Variants in STXBP5 observed in about 807,000 individuals in gnomAD.
The protein encoded by STXBP5 is syntaxin binding protein 5.
Under a neutral mutation model 152.4 loss-of-function variants are expected in STXBP5, and 50 were observed. The observed-to-expected ratio is 0.33, with a 90% confidence interval of 0.26 to 0.42. The LOEUF (loss-of-function observed/expected upper bound fraction) is 0.42, where lower values mean the gene tolerates loss of function less well. STXBP5 is among the 10% of genes least tolerant of loss of function. The probability of loss-of-function intolerance (pLI) is 1.00; values close to 1 mark genes in which losing one functional copy is unlikely to be tolerated. For synonymous variants in STXBP5, 492 were observed against 494.7 expected, an observed-to-expected ratio of 0.99 and a Z score of 0.07; for missense variants, 1,167 against 1,388.6, an observed-to-expected ratio of 0.84 and a Z score of 2.54.
chr6:147,357,128 A>G (rs1273520674), intron 22 of STXBP5, among the ~76,000 whole-genome samples: 1 of 152,152 alleles, frequency 6.6e-6, no homozygotes, highest in Non-Finnish European at 1.5e-5. Flanking sequence ...TAACTACAGA[A>G]CAAATGTACT....
intron 9 of STXBP5, among the ~76,000 whole-genome samples, chr6:147,304,947 T>G (rs573749210): frequency 6.6e-6 from 1 of 152,226 alleles, no homozygotes; most frequent in African/African-American, 2.4e-5. Context: ...TGGTTTCAGA[T>G]TACATCCAGA....
chr6:147,363,605 T>C lies in STXBP5; in HGVS notation c.2816T>C (p.Ile939Thr). The C allele has an allele frequency of 6.2e-7, 1 of 1,614,168 alleles. No homozygotes were observed. Among genetic ancestry groups the C allele is most frequent in the Non-Finnish European group, 8.5e-7 (1 of 1,180,024 alleles). Reference sequence around the variant, plus strand: ...CAGAACTGTGCTTATAAGCAAAATATTACAGAGACCTCGTTTGTGCTTCGT... The same window carrying C: ...CAGAACTGTGCTTATAAGCAAAATACTACAGAGACCTCGTTTGTGCTTCGT... ...PTQNCAYKQN[I>T]TETSFVLRGD... Residue 939 changes from isoleucine (I) to threonine (T), a missense_variant, in exon 24 of 28, where the codon ATT (isoleucine) becomes ACT (threonine). Around this residue, in one of 3 missense-constraint regions of STXBP5, gnomAD observed 833 missense variants for 986.3 expected, o/e 0.84. Coordinates refer to ENST00000321680, the MANE Select transcript of STXBP5 (RefSeq NM_001127715.4).
chr6:147,223,534 A>G (rs1777561669), intron 2 of STXBP5, among the ~76,000 whole-genome samples: 1 of 152,238 alleles, frequency 6.6e-6, no homozygotes, highest in Non-Finnish European at 1.5e-5. Flanking sequence ...TTATATGTAT[A>G]TAAATAGATT....
intron 2 of STXBP5, among the ~76,000 whole-genome samples, chr6:147,211,621 T>TA (rs1416771249): frequency 2.0e-5 from 3 of 152,328 alleles, no homozygotes; most frequent in Non-Finnish European, 2.9e-5. Context: ...GTCGGGGTCT[T>TA]ACTCTGTTAC....
chr6:147,371,333 T>G (rs984037405), intron 25 of STXBP5, among the ~76,000 whole-genome samples: 3 of 152,098 alleles, frequency 2.0e-5, no homozygotes, highest in African/African-American at 7.2e-5. Context: ...ATCTAGACTT[T>G]AAGAAACATT....
At chr6:147,268,747 G>A (rs959456145) in intron 7 of STXBP5, among the ~76,000 whole-genome samples, 1 of 152,222 alleles carries the variant, frequency 6.6e-6, no homozygotes, top group Non-Finnish European at 1.5e-5. Flanking sequence ...TGGAGTCACA[G>A]GGACTAGTTT....
chr6:147,228,660 G>A (rs1210283903), intron 2 of STXBP5, among the ~76,000 whole-genome samples: 1 of 151,278 alleles, frequency 6.6e-6, no homozygotes, highest in Non-Finnish European at 1.5e-5. Context: ...ATATTTTCTA[G>A]TCCTTTATTT....
intron 18 of STXBP5, among the ~76,000 whole-genome samples, chr6:147,332,480 A>T (rs1363774713): frequency 1.3e-5 from 2 of 152,216 alleles, no homozygotes; most frequent in African/African-American, 4.8e-5. Context: ...GATGTCTGGG[A>T]AAACAGTCAG....
chr6:147,273,883 C>T (rs1317208805), intron 7 of STXBP5, among the ~76,000 whole-genome samples: 1 of 150,280 alleles, frequency 6.7e-6, no homozygotes, highest in East Asian at 2.0e-4. Context: ...ACCCGGGAGG[C>T]AGAGCTTGCA....
chr6:147,286,789 A>G (rs1293390254), intron 8 of STXBP5, among the ~76,000 whole-genome samples: 1 of 152,064 alleles, frequency 6.6e-6, no homozygotes, highest in Non-Finnish European at 1.5e-5. Flanking sequence ...AGATCCTATC[A>G]TACCAGTTCC....
intron 9 of STXBP5, among the ~76,000 whole-genome samples, chr6:147,295,866 A>G (rs1230307433): frequency 2.6e-5 from 4 of 152,192 alleles, no homozygotes; most frequent in Non-Finnish European, 5.9e-5. Context: ...GTATGGTGCC[A>G]TCTTGAAATT....
At chr6:147,346,223 T>G (rs965953023) in intron 21 of STXBP5, among the ~76,000 whole-genome samples, 2 of 152,190 alleles carry the variant, frequency 1.3e-5, no homozygotes, top group African/African-American at 4.8e-5. Flanking sequence ...CGTAAGTGAT[T>G]CTGGGACTCC....
rs1217557317 is a variant in STXBP5, at chr6:147,348,642, A to G, written c.2255-4681A>G. 3.9e-5 allele frequency among the ~76,000 whole-genome samples: 6 copies of G among 152,288 alleles called. No homozygotes were observed. In the East Asian group the frequency reaches 9.6e-4, roughly 24 times the overall value. On this transcript the variant is annotated intron_variant, in intron 21 of 27. Transcript: ENST00000321680. ...AAAAAATACTAAAAGCACACTTCAG[A>G]GCTCCTTGGAGTTGGGGGAGTAGTA...
At chr6:147,255,468 G>A (rs1238911839) in intron 4 of STXBP5, among the ~76,000 whole-genome samples, 2 of 151,922 alleles carry the variant, frequency 1.3e-5, no homozygotes, top group Non-Finnish European at 2.9e-5. Flanking sequence ...AGGCAAGAAA[G>A]GTCTACTTCA....
At chr6:147,371,865 A>G (rs534566803) in intron 25 of STXBP5, among the ~76,000 whole-genome samples, 46 of 152,276 alleles carry the variant, frequency 3.0e-4, no homozygotes, top group African/African-American at 7.7e-4. Flanking sequence ...TTAGCATGAG[A>G]CACCCAAATG....
intron 8 of STXBP5, 62 bp downstream of exon 8, chr6:147,278,266 A>C: frequency 7.0e-7 from 1 of 1,424,292 alleles, no homozygotes; most frequent in Non-Finnish European, 9.4e-7. Context: ...GTTTTGTTTG[A>C]GTTTGCATTC....
rs555021051 is a variant in STXBP5, at chr6:147,240,188, C to T, written c.431+918C>T. Among the ~76,000 whole-genome samples, 12 of 152,152 alleles carry T rather than the reference C, an allele frequency of 7.9e-5. No individual in the cohort carries two copies. In the East Asian group the frequency reaches 1.7e-3, roughly 22 times the overall value. ...AACTCCTGACCTCAAGTGATCTGCC[C>T]GCCTCAGCCTCCCAAAGAGCTGGGA... On this transcript the variant is annotated intron_variant, in intron 4 of 27. Coordinates refer to ENST00000321680, the MANE Select transcript of STXBP5 (RefSeq NM_001127715.4).
At chr6:147,339,450 A>C in intron 21 of STXBP5, 66 bp downstream of exon 21, 4 of 1,209,038 alleles carry the variant, frequency 3.3e-6, no homozygotes, top group Non-Finnish European at 4.4e-6. Flanking sequence ...CCAACACCAG[A>C]ATTATCCAGT....
At chr6:147,217,276 A>C (rs1008057173) in intron 2 of STXBP5, among the ~76,000 whole-genome samples, 2 of 152,182 alleles carry the variant, frequency 1.3e-5, no homozygotes, top group Non-Finnish European at 1.5e-5. Flanking sequence ...TGTATTTTTC[A>C]TAATGTGTTG....
Sources: gnomAD v4.1 joint callset for allele counts (sites outside exome capture counted in the v4.1 genomes callset) on GRCh38, gnomAD v4.1.1 for gene constraint, gnomAD v4.1.1 regional missense constraint, MANE v1.5 for transcripts, NCBI Gene and HGNC (gene_info 2026-07-23, HGNC 2026-07-21) for gene names.